RAD54B: variants seen among roughly 807,000 people sequenced by gnomAD.
RAD54B encodes the protein RAD54 homolog B.
RAD54B carries 78 observed loss-of-function variants against 95.8 expected under a neutral mutation model. That is an observed-to-expected ratio of 0.81 (90% confidence interval 0.68 to 0.98). RAD54B has a LOEUF of 0.98. RAD54B is among the 50% of genes least tolerant of loss of function. RAD54B has a pLI of 0.00. For synonymous variants in RAD54B, 328 were observed against 354.9 expected (o/e 0.92, Z 0.85); for missense variants, 957 against 1,056.6 (o/e 0.91, Z 1.31).
intron 3 of RAD54B, among the ~76,000 whole-genome samples, chr8:94,442,431 C>G (rs543024439): frequency 9.6e-4 from 146 of 152,100 alleles, no homozygotes; most frequent in African/African-American, 3.4e-3. Context: ...AAACATTAGC[C>G]AGGCGTGGTG....
At chr8:94,434,581 G>A (rs1812205746) in intron 3 of RAD54B, among the ~76,000 whole-genome samples, 1 of 151,714 alleles carries the variant, frequency 6.6e-6, no homozygotes, top group African/African-American at 2.4e-5. Context: ...GAAGAGTTTG[G>A]TAAGATTAAC....
chr8:94,382,772 G>T (rs1243209380), intron 11 of RAD54B, among the ~76,000 whole-genome samples: 1 of 152,110 alleles, frequency 6.6e-6, no homozygotes, highest in Non-Finnish European at 1.5e-5. Context: ...AGATCTGCTG[G>T]TTTTATAAGG....
At chr8:94,396,503 C>T (rs4735292) in intron 8 of RAD54B, among the ~76,000 whole-genome samples, 60,445 of 151,694 alleles carry the variant, frequency 0.4, 12,184 homozygotes, top group Admixed American at 0.5. Flanking sequence ...GTAACCTCCA[C>T]AGAAAGCTCT....
chr8:94,413,401 A>G (rs927169337), intron 3 of RAD54B, among the ~76,000 whole-genome samples: 2 of 152,192 alleles, frequency 1.3e-5, no homozygotes, highest in Non-Finnish European at 2.9e-5. Context: ...ATTCACACAT[A>G]TACGGCGAAA....
chr8:94,384,932 CG>C (rs902709428), intron 11 of RAD54B, among the ~76,000 whole-genome samples: 1 of 152,016 alleles, frequency 6.6e-6, no homozygotes, highest in Non-Finnish European at 1.5e-5. Context: ...GGTGAAACAC[CG>C]TCTCTACAAA....
intron 3 of RAD54B, chr8:94,431,571 T>G: frequency 4.3e-6 from 4 of 938,766 alleles, no homozygotes; most frequent in Non-Finnish European, 5.1e-6. Context: ...TTACCCTAAG[T>G]AAGTCATTGA....
intron 11 of RAD54B, among the ~76,000 whole-genome samples, chr8:94,385,310 T>A (rs1810858251): frequency 6.6e-6 from 1 of 150,752 alleles, no homozygotes; most frequent in Admixed American, 6.6e-5. Flanking sequence ...TCATTATCCT[T>A]TGTCCAATGA....
intron 10 of RAD54B, among the ~76,000 whole-genome samples, chr8:94,390,771 C>A (rs537637957): frequency 6.6e-6 from 1 of 151,728 alleles, no homozygotes; most frequent in Non-Finnish European, 1.5e-5. Context: ...TACTTGGGAA[C>A]AGAAGTGGTT....
intron 3 of RAD54B, chr8:94,430,260 A>G: frequency 1.2e-6 from 1 of 844,888 alleles, no homozygotes; most frequent in Non-Finnish European, 1.4e-6. Flanking sequence ...GCAGTGAGCC[A>G]ACATCGCACC....
At position 94,474,836 on chromosome 8, in the gene RAD54B, G is replaced by A. The variant is rs774892307; in HGVS notation, c.-17+165C>T. Reference sequence around the variant, plus strand: ...CGGGGCCAGCAACCAGGGCGTCCCTGGCACTTCAGACCAAAGCTGCAGGCC... The same window carrying A: ...CGGGGCCAGCAACCAGGGCGTCCCTAGCACTTCAGACCAAAGCTGCAGGCC... On this transcript the variant is annotated intron_variant, in intron 1 of 14. Transcript: ENST00000336148. Among the ~76,000 whole-genome samples, 54 of 152,190 alleles carry A rather than the reference G, an allele frequency of 3.5e-4. 1 individual carries two copies. Among genetic ancestry groups the A allele is most frequent in the African/African-American group, 1.2e-4 (5 of 41,462 alleles).
chr8:94,466,470 T>G (rs1001173090), intron 2 of RAD54B, among the ~76,000 whole-genome samples: 1 of 151,630 alleles, frequency 6.6e-6, no homozygotes, highest in African/African-American at 2.4e-5. Context: ...TGCAGTGGCA[T>G]GATCTCAGCT....
In RAD54B at chr8:94,466,885, A is replaced by G. The variant is rs543760319; in HGVS notation, c.135+520T>C. 2.6e-5 allele frequency among the ~76,000 whole-genome samples: 4 copies of G among 152,292 alleles called. No homozygotes were observed. In the South Asian group the frequency reaches 8.3e-4, roughly 32 times the overall value. On this transcript the variant is annotated intron_variant, in intron 2 of 14. Transcript: ENST00000336148. ...TCCCTCAAAGAGGTACTTACTTATC[A>G]TTACCAAAAGTTTATTTTATAGACT...
chr8:94,432,140 G>T, intron 3 of RAD54B: 1 of 1,546,126 alleles, frequency 6.5e-7, no homozygotes, highest in Non-Finnish European at 8.7e-7. Context: ...CTTAGAGACT[G>T]TTATATTCAG....
In RAD54B at chr8:94,391,636, G is replaced by T. The variant is rs1811022987; in HGVS notation, c.1782C>A (p.His594Gln). Reference protein sequence around the residue: ...CIGALKKLCNHPCLLFNSIKE... With the variant: ...CIGALKKLCNQPCLLFNSIKE... ...TTATAGAGTTGAACAAAAGGCAGGG[G>T]TGATTGCACAGTTTTTTAAGAGCTC... The change falls in exon 10 of 15, where the codon CAC becomes CAA. Residue 594 changes from histidine to glutamine, a missense_variant. By Grantham distance (24) the His-to-Gln change is conservative (BLOSUM62 0). Coordinates refer to ENST00000336148, the MANE Select transcript of RAD54B (RefSeq NM_012415.3). 2 of 1,613,732 alleles carry T rather than the reference G, an allele frequency of 1.2e-6. No individual in the cohort carries two copies. Among genetic ancestry groups the T allele is most frequent in the Admixed American group, 3.3e-5 (2 of 59,970 alleles).
chr8:94,382,605 G>A (rs577665619), intron 11 of RAD54B, among the ~76,000 whole-genome samples: 92 of 152,256 alleles, frequency 6.0e-4, no homozygotes, highest in African/African-American at 2.2e-3. Context: ...GAATTTATAA[G>A]TTAATATGAT....
At chr8:94,378,433 T>C in intron 13 of RAD54B, 53 bp from the exon 14 acceptor site, 2 of 1,536,558 alleles carry the variant, frequency 1.3e-6, no homozygotes, top group Middle Eastern at 1.8e-4. Flanking sequence ...TTCATTATTT[T>C]TGTTGGGTAT....
Position 94,393,724 on chromosome 8 carries a change from T to G in RAD54B, c.1518+19A>C. 1 of 1,538,414 alleles carries G rather than the reference T, an allele frequency of 6.5e-7. No individual in the cohort carries two copies. Among genetic ancestry groups the G allele is most frequent in the South Asian group, 1.2e-5 (1 of 85,084 alleles). Reference sequence around the variant, plus strand: ...GACATACGGCTTTTTAAAAACCTATTTATTAGAGTAAATTATACCTCAGAA... The same window carrying G: ...GACATACGGCTTTTTAAAAACCTATGTATTAGAGTAAATTATACCTCAGAA... On this transcript the variant is annotated intron_variant, in intron 9 of 14. Transcript: ENST00000336148.
At chr8:94,429,848 A>G (rs573396265) in intron 3 of RAD54B, 361 of 985,368 alleles carry the variant, frequency 3.7e-4, no homozygotes, top group Non-Finnish European at 4.3e-4. Context: ...TAGTACCTTG[A>G]GTTCATTTTT....
At chr8:94,409,954 C>A (rs2450571) in intron 4 of RAD54B, among the ~76,000 whole-genome samples, 133,259 of 152,150 alleles carry the variant, frequency 0.88, 59,315 homozygotes, top group Non-Finnish European at 0.96. Context: ...TGTGTACTAT[C>A]TATTTTTCTT....
Sources: allele counts gnomAD v4.1 joint callset (sites outside exome capture counted in the v4.1 genomes callset), GRCh38; gene constraint gnomAD v4.1.1; transcripts MANE v1.5; gene names NCBI Gene and HGNC (gene_info 2026-07-23, HGNC 2026-07-21).